Variants in FCHSD2 observed in about 807,000 individuals in gnomAD.
FCHSD2 encodes the protein FCH and double SH3 domains 2.
In FCHSD2, 38 loss-of-function variants were observed where a neutral mutation model predicts 108.1. The observed-to-expected ratio is 0.35, with a 90% CI of 0.27 to 0.46. FCHSD2 has a LOEUF of 0.46. Among genes scored for constraint, FCHSD2 ranks in the 20% least tolerant of loss-of-function variants. The pLI, the probability that FCHSD2 is intolerant of heterozygous loss-of-function variation, is 1.00. For synonymous variants in FCHSD2, 279 were observed against 314.7 expected (o/e 0.89, Z 1.20); for missense variants, 751 against 897.8 (o/e 0.84, Z 2.09).
At chr11:73,017,756 T>G (rs1301368916) in intron 3 of FCHSD2, among the ~76,000 whole-genome samples, 4 of 152,178 alleles carry the variant, frequency 2.6e-5, no homozygotes, top group Non-Finnish European at 4.4e-5. Context: ...TTCTAACCAC[T>G]CCTATTCCTA....
intron 8 of FCHSD2, chr11:72,941,137 T>G: frequency 4.2e-6 from 2 of 471,332 alleles, no homozygotes; most frequent in Non-Finnish European, 7.7e-6. Flanking sequence ...GTAAAATTCA[T>G]ACCTCATAAT....
At chr11:73,035,146 ATTTT>A (rs1858456175) in intron 3 of FCHSD2, among the ~76,000 whole-genome samples, 1 of 142,816 alleles carries the variant, frequency 7.0e-6, no homozygotes, top group Non-Finnish European at 1.5e-5. Flanking sequence ...TTTAGTTTTT[ATTTT>A]TATGTATGTA....
chr11:73,121,804 A>C (rs537146791), intron 2 of FCHSD2, among the ~76,000 whole-genome samples: 20 of 152,336 alleles, frequency 1.3e-4, no homozygotes, highest in Admixed American at 5.9e-4. Context: ...TTATTAAAAC[A>C]TGGATTGCTG....
intron 2 of FCHSD2, among the ~76,000 whole-genome samples, chr11:73,085,582 G>C (rs1859795826): frequency 6.6e-6 from 1 of 152,044 alleles, no homozygotes; most frequent in African/African-American, 2.4e-5. Context: ...CCACATTTAA[G>C]GGAGAAATTG....
chr11:72,870,677 G>A (rs1854835319), intron 12 of FCHSD2, among the ~76,000 whole-genome samples: 1 of 151,756 alleles, frequency 6.6e-6, no homozygotes. Flanking sequence ...GAGGGGGGCA[G>A]ATCACGAGGT....
At chr11:73,097,707 G>C (rs1860124729) in intron 2 of FCHSD2, among the ~76,000 whole-genome samples, 1 of 137,440 alleles carries the variant, frequency 7.3e-6, no homozygotes, top group Admixed American at 7.4e-5. Context: ...TTAGTAATTT[G>C]TGTGTTTCTA....
intron 8 of FCHSD2, chr11:72,940,676 TTA>T: frequency 8.5e-7 from 1 of 1,181,818 alleles, no homozygotes; most frequent in Non-Finnish European, 1.3e-6. Flanking sequence ...CAAGGTTACA[TTA>T]TATATAGGAT....
intron 8 of FCHSD2, among the ~76,000 whole-genome samples, chr11:72,956,838 AC>A (rs754526361): frequency 2.2e-4 from 30 of 138,948 alleles, no homozygotes; most frequent in South Asian, 1.6e-3. Context: ...AAAAAAAAAA[AC>A]CAACCCTAGA....
At chr11:72,992,577 C>T (rs376854635) in intron 5 of FCHSD2, among the ~76,000 whole-genome samples, 9 of 152,128 alleles carry the variant, frequency 5.9e-5, no homozygotes, top group East Asian at 1.9e-4. Flanking sequence ...CCAATGGAAC[C>T]GAACAGAGCC....
intron 8 of FCHSD2, among the ~76,000 whole-genome samples, chr11:72,966,427 T>G (rs1856908426): frequency 6.6e-6 from 1 of 152,210 alleles, no homozygotes; most frequent in Admixed American, 6.5e-5. Context: ...CCCAAAGTGC[T>G]GGGATTACAA....
intron 9 of FCHSD2, among the ~76,000 whole-genome samples, chr11:72,913,722 T>A (rs1252240141): frequency 1.3e-5 from 2 of 151,460 alleles, no homozygotes; most frequent in Non-Finnish European, 2.9e-5. Context: ...TTTTCCTCAC[T>A]AGTCTGGCTA....
rs533846255 is a variant in FCHSD2 at position 73,108,559 on chromosome 11, T to G, written c.120-24819A>C. ...TGAGATTTTAGATTTAAGTTTTTTT[T>G]TTTGTTTGTTTTTTGTTTTTGAGAC... is the stretch of plus-strand genomic sequence containing the variant. On this transcript the variant is annotated intron_variant, in intron 2 of 19. Coordinates refer to ENST00000409418, the MANE Select transcript of FCHSD2 (RefSeq NM_014824.3). Among the ~76,000 whole-genome samples the G allele has an allele frequency of 2.6e-3, 394 of 152,330 alleles. 2 individuals carry two copies. Among genetic ancestry groups the G allele is most frequent in the East Asian group, 0.016 (83 of 5,188 alleles).
chr11:72,862,550 A>G (rs2135193487), intron 13 of FCHSD2, among the ~76,000 whole-genome samples: 1 of 152,360 alleles, frequency 6.6e-6, no homozygotes, highest in South Asian at 2.1e-4. Context: ...TATCTACTGA[A>G]AACTACAAAA....
chr11:73,032,740 C>G (rs1858391550), intron 3 of FCHSD2, among the ~76,000 whole-genome samples: 1 of 152,106 alleles, frequency 6.6e-6, no homozygotes, highest in African/African-American at 2.4e-5. Context: ...AAAAAAAGAG[C>G]CTGTAACGAG....
At chr11:72,953,342 T>C (rs1856652449) in intron 8 of FCHSD2, among the ~76,000 whole-genome samples, 2 of 152,320 alleles carry the variant, frequency 1.3e-5, no homozygotes, top group African/African-American at 4.8e-5. Flanking sequence ...ACAATTTCTT[T>C]TTCAAAAAAT....
chr11:72,998,306 G>A (rs928882667), intron 5 of FCHSD2, among the ~76,000 whole-genome samples: 1 of 152,184 alleles, frequency 6.6e-6, no homozygotes, highest in African/African-American at 2.4e-5. Flanking sequence ...TTTGGAGGCT[G>A]AGGCAGGCAG....
chr11:72,963,383 A>G (rs919902322), intron 8 of FCHSD2, among the ~76,000 whole-genome samples: 1 of 152,214 alleles, frequency 6.6e-6, no homozygotes, highest in Non-Finnish European at 1.5e-5. Context: ...TAGCAGCCTC[A>G]TATTACAGAT....
chr11:72,888,516 G>A (rs935003038), intron 11 of FCHSD2, among the ~76,000 whole-genome samples: 11 of 152,058 alleles, frequency 7.2e-5, no homozygotes, highest in African/African-American at 9.7e-5. Flanking sequence ...AGAATGAGAC[G>A]GATATAGGTA....
chr11:72,853,482 T>C (rs972035465), intron 13 of FCHSD2, among the ~76,000 whole-genome samples: 4 of 152,164 alleles, frequency 2.6e-5, no homozygotes, highest in Non-Finnish European at 2.9e-5. Flanking sequence ...TGGCGCAATC[T>C]TGACTCACTG....
Sources: allele counts gnomAD v4.1 joint callset (sites outside exome capture counted in the v4.1 genomes callset), GRCh38; gene constraint gnomAD v4.1.1; transcripts MANE v1.5; gene names NCBI Gene and HGNC (gene_info 2026-07-23, HGNC 2026-07-21).